Variants in SEMA3C observed in about 807,000 individuals in gnomAD.
SEMA3C encodes semaphorin-3C.
SEMA3C carries 47 observed loss-of-function variants against 89.4 expected under a neutral mutation model. That is an observed-to-expected ratio of 0.53 (90% CI 0.42 to 0.67). The LOEUF (loss-of-function observed/expected upper bound fraction) is 0.67. SEMA3C is among the 30% of genes least tolerant of loss of function. SEMA3C has a pLI of 0.00. For missense variants in SEMA3C, 839 were observed against 929.1 expected (o/e 0.90, Z 1.26); for synonymous variants, 310 against 320.2 (o/e 0.97, Z 0.34).
chr7:80,826,866 T>C (rs537250151), intron 4 of SEMA3C, among the ~76,000 whole-genome samples: 2 of 152,274 alleles, frequency 1.3e-5, no homozygotes, highest in South Asian at 4.1e-4. Flanking sequence ...CTTCCTTGAT[T>C]ATTTTGAATC....
intron 2 of SEMA3C, among the ~76,000 whole-genome samples, chr7:80,855,810 C>T (rs1017805164): frequency 6.6e-6 from 1 of 152,094 alleles, no homozygotes; most frequent in Admixed American, 6.6e-5. Flanking sequence ...ATATTCACTC[C>T]TAACACTAGT....
At chr7:80,875,587 C>G (rs1791181425) in intron 2 of SEMA3C, among the ~76,000 whole-genome samples, 1 of 152,098 alleles carries the variant, frequency 6.6e-6, no homozygotes, top group Non-Finnish European at 1.5e-5. Flanking sequence ...ATGTGCTGCT[C>G]TGAGTAAGGT....
rs943499172 is a variant in SEMA3C, at chr7:80,743,104, T to C, written c.*1790A>G. On this transcript the variant is annotated 3_prime_UTR_variant, in exon 18 of 18. Coordinates refer to ENST00000265361, the MANE Select transcript of SEMA3C (RefSeq NM_006379.5). ...TTGGCTTTACATTGACACATTTCTGTGTGTCAATGTAGAAGAGAAAAGAAG... is the reference window on the plus strand; with the variant it reads ...TTGGCTTTACATTGACACATTTCTGCGTGTCAATGTAGAAGAGAAAAGAAG... 8 of 151,928 alleles carry C rather than the reference T, an allele frequency of 5.3e-5. No homozygotes were observed. The highest frequency in any genetic ancestry group is 1.2e-4 in the African/African-American group (5 of 41,440). 9.4% of individuals were successfully genotyped at this position (151,928 alleles called of 1,614,324 possible).
At chr7:80,884,270 G>A (rs1015191930) in intron 2 of SEMA3C, among the ~76,000 whole-genome samples, 1 of 152,118 alleles carries the variant, frequency 6.6e-6, no homozygotes, top group Non-Finnish European at 1.5e-5. Context: ...ACATTTTATA[G>A]GTAATCTCAA....
intron 2 of SEMA3C, among the ~76,000 whole-genome samples, chr7:80,850,420 A>G (rs907123813): frequency 6.6e-6 from 1 of 152,216 alleles, no homozygotes; most frequent in Admixed American, 6.5e-5. Context: ...CATTTTTCTT[A>G]CAATGCAATA....
At chr7:80,795,307 C>T (rs772935345) in intron 11 of SEMA3C, among the ~76,000 whole-genome samples, 7 of 152,126 alleles carry the variant, frequency 4.6e-5, no homozygotes, top group South Asian at 2.1e-4. Context: ...CAGGGAGGTA[C>T]GCTTTTCCAG....
Position 80,810,666 on chromosome 7 carries a change from A to G in SEMA3C, c.483T>C (p.Ser161=). 1 of 1,613,800 alleles carries G rather than the reference A, an allele frequency of 6.2e-7. No individual in the cohort carries two copies. Among genetic ancestry groups the G allele is most frequent in the Non-Finnish European group, 8.5e-7 (1 of 1,179,768 alleles). The change falls in exon 6 of 18, where the codon TCT becomes TCC. Residue 161 remains serine, a synonymous_variant. Coordinates refer to ENST00000265361, the MANE Select transcript of SEMA3C (RefSeq NM_006379.5). ...QVFMIDSKCE[S]GKGRCSFNPN... is the part of the protein sequence containing the mutation. ...GGTTGAAAGAGCAGCGTCCTTTTCC[A>G]GATTCACACTTGGAGTCAATCATGA...
chr7:80,780,342 A>G (rs1788663540), intron 12 of SEMA3C, among the ~76,000 whole-genome samples: 2 of 152,234 alleles, frequency 1.3e-5, no homozygotes, highest in South Asian at 4.1e-4. Context: ...ATGACTGAAT[A>G]AATGACATCT....
intron 2 of SEMA3C, among the ~76,000 whole-genome samples, chr7:80,836,143 G>T (rs781492182): frequency 5.3e-5 from 8 of 152,058 alleles, no homozygotes; most frequent in Admixed American, 5.2e-4. Context: ...TAAACAACTC[G>T]AGAACTATCA....
At chr7:80,877,265 C>A (rs1018626148) in intron 2 of SEMA3C, among the ~76,000 whole-genome samples, 3 of 152,186 alleles carry the variant, frequency 2.0e-5, no homozygotes, top group Admixed American at 2.0e-4. Context: ...CCTAATCACA[C>A]TACACACTTT....
chr7:80,858,923 T>C (rs989868122), intron 2 of SEMA3C, among the ~76,000 whole-genome samples: 19 of 152,160 alleles, frequency 1.2e-4, no homozygotes, highest in African/African-American at 4.6e-4. Context: ...AGGATAAAGT[T>C]TGGGCCCCTC....
At chr7:80,775,530 T>C (rs374469719) in intron 12 of SEMA3C, among the ~76,000 whole-genome samples, 1 of 152,192 alleles carries the variant, frequency 6.6e-6, no homozygotes, top group Non-Finnish European at 1.5e-5. Flanking sequence ...ATTCTATTTT[T>C]AATGCAGGCC....
chr7:80,866,658 A>G (rs1562914053), intron 2 of SEMA3C, among the ~76,000 whole-genome samples: 1 of 152,292 alleles, frequency 6.6e-6, no homozygotes, highest in East Asian at 1.9e-4. Context: ...ATGCATTCCA[A>G]AGAAGCAAAT....
intron 2 of SEMA3C, among the ~76,000 whole-genome samples, chr7:80,907,231 A>T (rs986016491): frequency 6.6e-6 from 1 of 152,212 alleles, no homozygotes; most frequent in Non-Finnish European, 1.5e-5. Context: ...TTCCAGTTGC[A>T]TGTGCATTAA....
At chr7:80,883,170 T>C (rs966000321) in intron 2 of SEMA3C, among the ~76,000 whole-genome samples, 1 of 152,226 alleles carries the variant, frequency 6.6e-6, no homozygotes, top group Non-Finnish European at 1.5e-5. Context: ...GTGCTTTTTT[T>C]ATACTTAGCA....
At chr7:80,885,114 T>C (rs983094609) in intron 2 of SEMA3C, among the ~76,000 whole-genome samples, 1 of 152,224 alleles carries the variant, frequency 6.6e-6, no homozygotes. Flanking sequence ...ACAATTCTTA[T>C]AATTAAACGT....
chr7:80,772,924 T>C (rs1008381504), intron 12 of SEMA3C, among the ~76,000 whole-genome samples: 3 of 152,126 alleles, frequency 2.0e-5, no homozygotes, highest in African/African-American at 7.2e-5. Flanking sequence ...CTTGGGAGTT[T>C]ACTAAAAATA....
intron 2 of SEMA3C, among the ~76,000 whole-genome samples, chr7:80,916,398 G>A (rs1014607807): frequency 6.6e-5 from 10 of 152,134 alleles, no homozygotes; most frequent in African/African-American, 7.2e-5. Flanking sequence ...CTTTGAGCTC[G>A]TGCCCATCTC....
chr7:80,872,398 C>G (rs552565228), intron 2 of SEMA3C, among the ~76,000 whole-genome samples: 1 of 152,258 alleles, frequency 6.6e-6, no homozygotes, highest in South Asian at 2.1e-4. Flanking sequence ...GGTGAACCAT[C>G]CACCTCAGCC....
Sources: allele counts gnomAD v4.1 joint callset (sites outside exome capture counted in the v4.1 genomes callset), GRCh38; gene constraint gnomAD v4.1.1; transcripts MANE v1.5; gene names NCBI Gene and HGNC (gene_info 2026-07-23, HGNC 2026-07-21).